MATCAP2: variants seen among roughly 807,000 people sequenced by gnomAD.
MATCAP2 encodes putative tyrosine carboxypeptidase MATCAP2.
the MATCAP2 span, among the ~76,000 whole-genome samples, chr7:36,334,356 G>A: frequency 1.3e-5 from 2 of 151,780 alleles, no homozygotes; most frequent in African/African-American, 4.8e-5. Context: ...GGGCAACATG[G>A]TGAAACATGT....
the MATCAP2 span, chr7:36,357,510 T>C: frequency 6.2e-7 from 1 of 1,614,146 alleles, no homozygotes; most frequent in Middle Eastern, 1.7e-4. Context: ...GAAATGCTTC[T>C]TTTGTTGTCA....
chr7:36,328,244 G>GGT, the MATCAP2 span, among the ~76,000 whole-genome samples: 1 of 128,252 alleles, frequency 7.8e-6, no homozygotes, highest in Non-Finnish European at 1.8e-5. Context: ...TTTTGTAGGG[G>GGT]GGGGGGGTCT....
At chr7:36,342,022 C>T in the MATCAP2 span, among the ~76,000 whole-genome samples, 1 of 152,174 alleles carries the variant, frequency 6.6e-6, no homozygotes, top group East Asian at 1.9e-4. Flanking sequence ...AAAACACTAA[C>T]TTTCAACTTT....
At chr7:36,324,270 C>G in the MATCAP2 span, 1 of 152,108 alleles carries the variant, frequency 6.6e-6, no homozygotes, top group Admixed American at 6.6e-5. Flanking sequence ...ACACAAGATG[C>G]CCAAAGATAT....
At chr7:36,324,433 C>CTATT in the MATCAP2 span, 1 of 152,118 alleles carries the variant, frequency 6.6e-6, no homozygotes, top group Non-Finnish European at 1.5e-5. Context: ...TTTGACACAA[C>CTATT]TATTTTTAAA....
the MATCAP2 span, chr7:36,367,360 A>G: frequency 2.0e-6 from 2 of 989,592 alleles, no homozygotes; most frequent in Non-Finnish European, 2.4e-6. Flanking sequence ...CCCGGCGTGC[A>G]CAGCGCGGGC....
At chr7:36,352,883 C>T in the MATCAP2 span, among the ~76,000 whole-genome samples, 1 of 151,486 alleles carries the variant, frequency 6.6e-6, no homozygotes, top group Non-Finnish European at 1.5e-5. Context: ...TTGTTCTCAT[C>T]AGAACCTCTG....
the MATCAP2 span, among the ~76,000 whole-genome samples, chr7:36,385,676 C>T: frequency 6.6e-6 from 1 of 151,918 alleles, no homozygotes; most frequent in Non-Finnish European, 1.5e-5. Context: ...GTCCCAGATA[C>T]TTGGAAGGCT....
chr7:36,359,550 G>A, the MATCAP2 span, among the ~76,000 whole-genome samples: 4 of 152,128 alleles, frequency 2.6e-5, no homozygotes, highest in African/African-American at 9.7e-5. Flanking sequence ...TAACATAAAG[G>A]TATTTCTAAA....
chr7:36,389,701 G>C, the MATCAP2 span: 1 of 283,434 alleles, frequency 3.5e-6, no homozygotes, highest in East Asian at 6.3e-5. Context: ...GGCGAGGGCT[G>C]GGAGGGGGCC....
At chr7:36,329,501 A>G in the MATCAP2 span, among the ~76,000 whole-genome samples, 1 of 152,234 alleles carries the variant, frequency 6.6e-6, no homozygotes, top group Non-Finnish European at 1.5e-5. Flanking sequence ...GAAATGGCTG[A>G]TCTGAGATTT....
chr7:36,384,870 A>G, the MATCAP2 span, among the ~76,000 whole-genome samples: 1 of 152,182 alleles, frequency 6.6e-6, no homozygotes, highest in Non-Finnish European at 1.5e-5. Flanking sequence ...AAAAGAAAAA[A>G]AAAAAAAGGA....
chr7:36,331,156 T>C, the MATCAP2 span: 191 of 823,552 alleles, frequency 2.3e-4, 1 homozygote, highest in African/African-American at 2.4e-3. Context: ...TTCCATTTAC[T>C]GTAGGAATCA....
the MATCAP2 span, among the ~76,000 whole-genome samples, chr7:36,374,376 G>A: frequency 6.6e-6 from 1 of 151,872 alleles, no homozygotes; most frequent in African/African-American, 2.4e-5. Flanking sequence ...TACTGCACCT[G>A]GCCCACTGGA....
the MATCAP2 span, chr7:36,366,773 C>A: frequency 5.9e-6 from 9 of 1,534,874 alleles, no homozygotes; most frequent in Admixed American, 1.8e-4. Context: ...GCGAGCGCCT[C>A]CTGCGCGCCC....
chr7:36,327,696 C>CT, the MATCAP2 span, among the ~76,000 whole-genome samples: 1 of 152,196 alleles, frequency 6.6e-6, no homozygotes, highest in Non-Finnish European at 1.5e-5. Flanking sequence ...ATGCTGCAAA[C>CT]TTTTGGAGCA....
the MATCAP2 span, among the ~76,000 whole-genome samples, chr7:36,381,696 G>A: frequency 6.6e-6 from 1 of 151,098 alleles, no homozygotes; most frequent in African/African-American, 2.4e-5. Flanking sequence ...AAATGAAGGA[G>A]ATTGTGGTCC....
chr7:36,359,101 G>C, the MATCAP2 span, among the ~76,000 whole-genome samples: 2 of 152,212 alleles, frequency 1.3e-5, no homozygotes, highest in South Asian at 4.1e-4. Flanking sequence ...ATATGTACTT[G>C]TAGTTCTGGG....
At chr7:36,326,834 G>C in the MATCAP2 span, 1 of 1,613,798 alleles carries the variant, frequency 6.2e-7, no homozygotes. Context: ...TCCATATATC[G>C]GCCATGGTCC....
Sources: allele counts gnomAD v4.1 joint callset (sites outside exome capture counted in the v4.1 genomes callset), GRCh38; gene constraint gnomAD v4.1.1; transcripts MANE v1.5; gene names NCBI Gene and HGNC (gene_info 2026-07-23, HGNC 2026-07-21).